The following SLC12A8 variants were observed in gnomAD, a reference collection of about 807,000 sequenced individuals.
SLC12A8 encodes solute carrier family 12 member 8.
A neutral mutation model predicts 75.6 loss-of-function variants in SLC12A8; 69 were observed. That is an observed-to-expected ratio of 0.91 (90% confidence interval 0.75 to 1.11). SLC12A8 has a LOEUF of 1.11. Ranked by LOEUF, SLC12A8 falls within the 50% of genes most tolerant of loss-of-function variation. SLC12A8 has a pLI of 0.00. For missense variants in SLC12A8, 877 were observed against 896.7 expected (o/e 0.98, Z 0.28); for synonymous variants, 365 against 372.8 (o/e 0.98, Z 0.24).
chr3:125,105,058 AC>A (rs1938990112), intron 10 of SLC12A8, among the ~76,000 whole-genome samples: 1 of 150,016 alleles, frequency 6.7e-6, no homozygotes, highest in African/African-American at 2.4e-5. Flanking sequence ...CGTGACTGAT[AC>A]AACAACCAAC....
intron 12 of SLC12A8, 90 bp from the exon 13 acceptor site, chr3:125,088,460 A>G (rs1938515260): frequency 2.1e-6 from 2 of 966,900 alleles, no homozygotes; most frequent in Non-Finnish European, 1.7e-6. Flanking sequence ...GCAAACCCCA[A>G]TACACACACA....
At chr3:125,130,226 GACA>G (rs1367118043) in intron 6 of SLC12A8, among the ~76,000 whole-genome samples, 9 of 152,290 alleles carry the variant, frequency 5.9e-5, no homozygotes, top group African/African-American at 1.4e-4. Context: ...TCAGCGGAAG[GACA>G]ACGACACTCC....
chr3:125,083,168 CAT>C lies in SLC12A8; in HGVS notation c.*720_*721del, dbSNP rs942982066. The C allele has an allele frequency of 4.6e-5, 7 of 152,090 alleles. No individual in the cohort carries two copies. Among genetic ancestry groups the C allele is most frequent in the Admixed American group, 1.3e-4 (2 of 15,286 alleles). 9.4% of individuals were successfully genotyped at this position (152,090 alleles called of 1,614,324 possible). ...TCTATATATCTTTTGGGTGTGGAAA[CAT>C]GTGAGTGTATTATTTATTTTTGAAT... On this transcript the variant is annotated 3_prime_UTR_variant, in exon 14 of 14. Coordinates refer to ENST00000469902, the MANE Select transcript of SLC12A8 (RefSeq NM_024628.6).
intron 13 of SLC12A8, chr3:125,088,076 G>T: frequency 1.9e-6 from 1 of 531,664 alleles, no homozygotes; most frequent in South Asian, 2.7e-5. Flanking sequence ...GATGACTGAG[G>T]ATAAGAAGGG....
chr3:125,175,038 G>C (rs970515839), intron 5 of SLC12A8, among the ~76,000 whole-genome samples: 3 of 152,184 alleles, frequency 2.0e-5, no homozygotes, highest in African/African-American at 7.2e-5. Context: ...AAACTGTGGT[G>C]GGGGAGAGAG....
At chr3:125,169,890 C>T (rs1020436046) in intron 5 of SLC12A8, among the ~76,000 whole-genome samples, 2 of 151,840 alleles carry the variant, frequency 1.3e-5, no homozygotes, top group Non-Finnish European at 2.9e-5. Flanking sequence ...GACTACCAGA[C>T]ATTTGGAGAA....
intron 13 of SLC12A8, among the ~76,000 whole-genome samples, chr3:125,086,127 C>T (rs1375299311): frequency 6.6e-6 from 1 of 152,126 alleles, no homozygotes; most frequent in Admixed American, 6.5e-5. Context: ...GGTGATCTAC[C>T]CGCCTCAGCC....
chr3:125,101,910 G>C (rs905622731), intron 10 of SLC12A8, among the ~76,000 whole-genome samples: 4 of 152,172 alleles, frequency 2.6e-5, no homozygotes, highest in African/African-American at 9.7e-5. Flanking sequence ...TACATTATGT[G>C]TACTGTATGG....
At chr3:125,163,396 G>A (rs921600256) in intron 5 of SLC12A8, among the ~76,000 whole-genome samples, 6 of 151,666 alleles carry the variant, frequency 4.0e-5, no homozygotes, top group African/African-American at 1.5e-4. Flanking sequence ...TCACGAGGTC[G>A]GGAGATCGAG....
chr3:125,144,367 TTG>T (rs1933721841), intron 5 of SLC12A8, among the ~76,000 whole-genome samples: 1 of 152,192 alleles, frequency 6.6e-6, no homozygotes, highest in Admixed American at 6.5e-5. Flanking sequence ...GCAGCAGTGC[TTG>T]TCCAAGGCTG....
chr3:125,146,542 A>G (rs1933779649), intron 5 of SLC12A8, among the ~76,000 whole-genome samples: 1 of 152,248 alleles, frequency 6.6e-6, no homozygotes, highest in African/African-American at 2.4e-5. Flanking sequence ...ATCCTCAGAG[A>G]TGGCACCCTG....
At chr3:125,200,883 G>A (rs75554350) in intron 2 of SLC12A8, among the ~76,000 whole-genome samples, 5,053 of 152,252 alleles carry the variant, frequency 0.033, 126 homozygotes, top group Admixed American at 0.075. Flanking sequence ...AACTATTTTT[G>A]GCTTAGTGAG....
rs181555760 is a variant in SLC12A8, at chr3:125,194,342, G to T, written c.52-3821C>A. On this transcript the variant is annotated intron_variant, in intron 2 of 13. Coordinates refer to ENST00000469902, the MANE Select transcript of SLC12A8 (RefSeq NM_024628.6). ...CTGAGCCCAGGGGCCTGCGCCCCAT[G>T]CTGGAAAAACCATGACTGCCTGGTG... Among the ~76,000 whole-genome samples, 739 of 152,276 alleles carry T rather than the reference G, an allele frequency of 4.9e-3. 4 individuals are homozygous for T. The highest frequency in any genetic ancestry group is 0.017 in the African/African-American group (695 of 41,560).
chr3:125,195,418 T>G (rs1007902145), intron 2 of SLC12A8, among the ~76,000 whole-genome samples: 1 of 152,160 alleles, frequency 6.6e-6, no homozygotes, highest in Non-Finnish European at 1.5e-5. Context: ...AAGGATCCAA[T>G]TGGAGCCGTC....
At chr3:125,176,628 G>T (rs1402590166) in intron 5 of SLC12A8, among the ~76,000 whole-genome samples, 1 of 151,716 alleles carries the variant, frequency 6.6e-6, no homozygotes, top group Admixed American at 6.6e-5. Context: ...AAATGTACAA[G>T]AAAAAAACAA....
intron 2 of SLC12A8, among the ~76,000 whole-genome samples, chr3:125,209,765 T>TGG (rs1935300376): frequency 6.6e-6 from 1 of 152,210 alleles, no homozygotes; most frequent in Non-Finnish European, 1.5e-5. Context: ...CGGAGGGCCC[T>TGG]GGCGGCCAAG....
At chr3:125,187,118 C>T (rs1353605030) in intron 4 of SLC12A8, 119 bp downstream of exon 4, 3 of 970,512 alleles carry the variant, frequency 3.1e-6, no homozygotes, top group Admixed American at 2.2e-5. Context: ...CCAACCTGCT[C>T]GTCTGTCACA....
In SLC12A8 at chr3:125,211,323, C is replaced by A; in HGVS notation, c.27G>T (p.Glu9Asp). 6.2e-7 allele frequency: 1 copy of A among 1,613,824 alleles called. No individual in the cohort carries two copies. The highest frequency in any genetic ancestry group is 8.5e-7 in the Non-Finnish European group (1 of 1,180,002). The change falls in exon 2 of 14, where the codon GAG becomes GAT. Residue 9 changes from glutamate to aspartate, a missense_variant. By Grantham distance (45) the Glu-to-Asp change is conservative. Coordinates refer to ENST00000469902, the MANE Select transcript of SLC12A8 (RefSeq NM_024628.6). MTQMSQVQ[E>D]LFHEAAQQDA... ...CCTGCTGGGCTGCCTCATGGAAGAG[C>A]TCCTGCACCTGGGACATCTGGGTCA...
At chr3:125,158,031 A>G (rs1482889664) in intron 5 of SLC12A8, among the ~76,000 whole-genome samples, 1 of 152,190 alleles carries the variant, frequency 6.6e-6, no homozygotes, top group Non-Finnish European at 1.5e-5. Flanking sequence ...CACATGAGCC[A>G]AGGAAGGATG....
Sources: allele counts gnomAD v4.1 joint callset (sites outside exome capture counted in the v4.1 genomes callset), GRCh38; gene constraint gnomAD v4.1.1; transcripts MANE v1.5; gene names NCBI Gene and HGNC (gene_info 2026-07-23, HGNC 2026-07-21).